XPO6: variants seen among roughly 807,000 people sequenced by gnomAD.
The protein encoded by XPO6 is exportin 6.
In XPO6, 3 loss-of-function variants were observed where a neutral mutation model predicts 130.0. The ratio of observed to expected loss-of-function variants is 0.02; its 90% CI spans 0.01 to 0.06. The LOEUF is 0.06. Ranked by LOEUF, XPO6 falls within the 10% of genes least tolerant of loss-of-function variation. XPO6 has a pLI of 1.00. For missense variants in XPO6, 970 were observed against 1,393.0 expected (o/e 0.70, Z 4.83); for synonymous variants, 524 against 548.9 (o/e 0.95, Z 0.63).
At position 28,132,186 on chromosome 16, in the gene XPO6, A is replaced by G. The variant is rs2042684187; in HGVS notation, c.1606+148T>C. 3.0e-6 allele frequency: 2 copies of G among 657,730 alleles called. No homozygotes were observed. The highest frequency in any genetic ancestry group is 2.6e-4 in the Middle Eastern group (1 of 3,898). The allele number at this position is 657,730 out of a possible 1,614,324, so 40.7% of individuals were successfully genotyped here. A position where few individuals can be genotyped will look rare whatever the true frequency, so the allele number is the denominator to read the frequency against. On this transcript the variant is annotated intron_variant, in intron 12 of 23. Coordinates refer to ENST00000304658, the MANE Select transcript of XPO6 (RefSeq NM_015171.4). The surrounding 1 kb of genome is among the most constrained non-coding windows in gnomAD (Gnocchi z 4.0). ...AGCTTTTCATCATAAGCCTTTAAAA[A>G]CGTTCCCTGTTTCGAAGTGGGGAGA... is the stretch of plus-strand genomic sequence containing the variant.
At chr16:28,121,647 C>A (rs373290343) in intron 14 of XPO6, 23 bp downstream of exon 14, 252 of 1,561,694 alleles carry the variant, frequency 1.6e-4, no homozygotes, top group Non-Finnish European at 2.1e-4. Flanking sequence ...TAAAAATGCA[C>A]AAACATCAAA....
intron 20 of XPO6, 113 bp from the exon 21 acceptor site, chr16:28,104,820 A>T: frequency 2.5e-6 from 3 of 1,198,828 alleles, no homozygotes; most frequent in Non-Finnish European, 3.5e-6. Flanking sequence ...GAGTGTCAAC[A>T]CTCCATCCAC....
At chr16:28,133,737 G>C (rs190914216) in intron 11 of XPO6, 104 bp downstream of exon 11, 1 of 964,916 alleles carries the variant, frequency 1.0e-6, no homozygotes, top group East Asian at 2.7e-5. Flanking sequence ...AAATTACATA[G>C]AGGGGAAAGA....
intron 13 of XPO6, among the ~76,000 whole-genome samples, chr16:28,124,073 T>G (rs1299572977): frequency 6.6e-6 from 1 of 151,598 alleles, no homozygotes; most frequent in Non-Finnish European, 1.5e-5. Context: ...TTTTTTTTTT[T>G]TGAGACGGAG....
At chr16:28,099,662 G>A (rs1223612564) in intron 23 of XPO6, among the ~76,000 whole-genome samples, 1 of 152,230 alleles carries the variant, frequency 6.6e-6, no homozygotes, top group Admixed American at 6.5e-5. Context: ...AGGCTTGTTA[G>A]AAGGCTTACT....
chr16:28,156,270 A>C lies in XPO6; in HGVS notation c.901T>G (p.Ser301Ala). 2 of 1,614,112 alleles carry C rather than the reference A, an allele frequency of 1.2e-6. No homozygotes were observed. The highest frequency in any genetic ancestry group is 4.5e-5 in the East Asian group (2 of 44,888). Residue 301 changes from serine to alanine, a missense_variant, in exon 7 of 24, where the codon TCG becomes GCG. By Grantham distance (99) the Ser-to-Ala change is moderately conservative. This residue lies in a region of XPO6 where 936 missense variants were observed against 1,306.8 expected (regional missense o/e 0.72). Transcript: ENST00000304658. The part of the protein sequence containing the change: ...SVNGSSQNCV[S>A]GQERGRLGVL... The stretch of plus-strand genomic sequence containing the variant: ...CCCAGCCGGCCGCGCTCCTGACCCG[A>C]GACACAGTTCTGGCTGCTGCCGTTA...
intron 1 of XPO6, among the ~76,000 whole-genome samples, chr16:28,189,229 A>G (rs775074072): frequency 4.0e-5 from 6 of 148,422 alleles, no homozygotes; most frequent in Non-Finnish European, 3.0e-5. Flanking sequence ...TAGAGGCACG[A>G]GCCACCGCGC....
chr16:28,120,470 C>G (rs1042012137), intron 14 of XPO6, among the ~76,000 whole-genome samples: 1 of 151,840 alleles, frequency 6.6e-6, no homozygotes, highest in Non-Finnish European at 1.5e-5. Context: ...ATCACATTAC[C>G]CTTTAAGTTC....
At chr16:28,156,715 A>T (rs2141827058) in intron 6 of XPO6, among the ~76,000 whole-genome samples, 188 bp from the exon 7 acceptor site, 1 of 152,344 alleles carries the variant, frequency 6.6e-6, no homozygotes, top group South Asian at 2.1e-4. Context: ...TTAACAGTAC[A>T]GCAAAAATAA....
chr16:28,152,662 A>G lies in XPO6; in HGVS notation c.1221T>C (p.His407=). Residue 407 remains histidine (H), a synonymous_variant, in exon 8 of 24, where the codon CAT becomes CAC. Coordinates refer to ENST00000304658, the MANE Select transcript of XPO6 (RefSeq NM_015171.4). Reference sequence around the variant, plus strand: ...AAGGATGACTTTGGTGCTTTACCTGATGAAATGTGTACTTGAACAAAAGTG... The same window carrying G: ...AAGGATGACTTTGGTGCTTTACCTGGTGAAATGTGTACTTGAACAAAAGTG... The part of the protein sequence containing the change: ...FLTLLFKYTF[H]QPTHEGYFSC... 1 of 1,610,724 alleles carries G rather than the reference A, an allele frequency of 6.2e-7. No individual in the cohort carries two copies.
chr16:28,155,836 G>C (rs1037039886), intron 7 of XPO6: 2 of 1,042,934 alleles, frequency 1.9e-6, no homozygotes, highest in Non-Finnish European at 2.5e-6. Flanking sequence ...GATGGATGGG[G>C]AGAAAAGACA....
intron 2 of XPO6, among the ~76,000 whole-genome samples, chr16:28,178,251 T>G (rs1374629368): frequency 2.6e-5 from 4 of 152,074 alleles, no homozygotes; most frequent in Non-Finnish European, 4.4e-5. Context: ...TTAAGCTAAA[T>G]GCAACGACGC....
intron 23 of XPO6, among the ~76,000 whole-genome samples, chr16:28,099,220 C>T (rs1454314413): frequency 6.6e-6 from 1 of 152,222 alleles, no homozygotes; most frequent in South Asian, 2.1e-4. Context: ...CTGGGCGCAG[C>T]GTGGGCCATG....
intron 14 of XPO6, among the ~76,000 whole-genome samples, chr16:28,119,483 C>T (rs1261766802): frequency 1.3e-5 from 2 of 152,106 alleles, no homozygotes; most frequent in African/African-American, 4.8e-5. Flanking sequence ...TTAGACAAAT[C>T]CAGATTGTAG....
chr16:28,190,072 C>T (rs955354362), intron 1 of XPO6, among the ~76,000 whole-genome samples: 5 of 152,178 alleles, frequency 3.3e-5, no homozygotes, highest in Admixed American at 3.3e-4. Flanking sequence ...CATATTTTCT[C>T]CCCATGGAGA....
intron 5 of XPO6, among the ~76,000 whole-genome samples, chr16:28,168,990 T>C (rs906322381): frequency 3.9e-5 from 6 of 152,104 alleles, no homozygotes; most frequent in Admixed American, 3.3e-4. Flanking sequence ...ACTGGAGATA[T>C]AAAGAAAGTT....
chr16:28,129,923 C>G (rs918253118), intron 12 of XPO6, among the ~76,000 whole-genome samples: 1 of 152,156 alleles, frequency 6.6e-6, no homozygotes, highest in African/African-American at 2.4e-5. Flanking sequence ...GGGTCACATA[C>G]GGATGTCAAT....
At chr16:28,200,292 G>T (rs2043935122) in intron 1 of XPO6, among the ~76,000 whole-genome samples, 1 of 152,130 alleles carries the variant, frequency 6.6e-6, no homozygotes, top group African/African-American at 2.4e-5. Context: ...CTAGACCAGA[G>T]ATCTTTTTCA....
At chr16:28,151,200 G>GAAAAAAAAACAA (rs2043081646) in intron 8 of XPO6, among the ~76,000 whole-genome samples, 1 of 32,962 alleles carries the variant, frequency 3.0e-5, no homozygotes. Flanking sequence ...AAAAAAAAAG[G>GAAAAAAAAACAA]CTACTTCTAA....
Sources: allele counts gnomAD v4.1 joint callset (sites outside exome capture counted in the v4.1 genomes callset), GRCh38; gene constraint gnomAD v4.1.1; regional missense constraint gnomAD v4.1.1; non-coding constraint Gnocchi (gnomAD v3.1); transcripts MANE v1.5; gene names NCBI Gene and HGNC (gene_info 2026-07-23, HGNC 2026-07-21).